Variants in KCNAB2 observed in about 807,000 individuals in gnomAD.
KCNAB2 encodes the protein voltage-gated potassium channel subunit beta-2.
In KCNAB2, 29 loss-of-function variants were observed where a neutral mutation model predicts 63.6. The ratio of observed to expected loss-of-function variants is 0.46; its 90% CI spans 0.34 to 0.62. The LOEUF is 0.62. KCNAB2 is among the 20% of genes least tolerant of loss of function. The probability of loss-of-function intolerance (pLI) is 0.01; values close to 1 mark genes in which losing one functional copy is unlikely to be tolerated. For synonymous variants in KCNAB2, 222 were observed against 224.2 expected (o/e 0.99, Z 0.09); for missense variants, 359 against 563.9 (o/e 0.64, Z 3.68).
intron 1 of KCNAB2, among the ~76,000 whole-genome samples, chr1:5,998,158 A>G (rs1657040001): frequency 6.6e-6 from 1 of 152,272 alleles, no homozygotes; most frequent in African/African-American, 2.4e-5. Context: ...AGGCTGGATG[A>G]TGGCCAGAGG....
intron 15 of KCNAB2, chr1:6,098,046 C>A: frequency 1.9e-6 from 1 of 515,196 alleles, no homozygotes; most frequent in Non-Finnish European, 2.5e-6. Context: ...AAGGTGGGGC[C>A]CCCGGGACTG....
At chr1:6,036,455 A>T (rs1660044573) in intron 1 of KCNAB2, among the ~76,000 whole-genome samples, 1 of 152,178 alleles carries the variant, frequency 6.6e-6, no homozygotes, top group Non-Finnish European at 1.5e-5. Flanking sequence ...GTGAGCTGAG[A>T]TTGTGCCACT....
upstream of KCNAB2, chr1:6,041,365 G>A (rs927666062): frequency 9.4e-5 from 17 of 180,982 alleles, no homozygotes; most frequent in Admixed American, 2.9e-4. Context: ...GCCAGAGCCC[G>A]TGTCTGTGAC....
upstream of KCNAB2, among the ~76,000 whole-genome samples, chr1:6,030,874 GTGTA>G (rs1384404706): frequency 1.3e-5 from 2 of 151,108 alleles, no homozygotes; most frequent in Non-Finnish European, 3.0e-5. Context: ...GTGTAGGTGT[GTGTA>G]TGTATGTGTA....
Position 6,037,898 on chromosome 1 carries a change from G to A in KCNAB2, c.-52-2619G>A, listed in dbSNP as rs1382575185. Among the ~76,000 whole-genome samples the A allele has an allele frequency of 7.0e-5, 10 of 143,320 alleles. No homozygotes were observed. In the East Asian group the frequency reaches 8.1e-4, roughly 12 times the overall value. 94.0% of individuals were successfully genotyped at this position (143,320 alleles called of 152,430 possible). A position where few individuals can be genotyped will look rare whatever the true frequency, so the allele number is the denominator to read the frequency against. On this transcript the variant is annotated intron_variant, in intron 1 of 15. Coordinates refer to the KCNAB2 transcript ENST00000164247. ...TTTTTTTTTTTTTTTTTTTTGAGGC[G>A]GGGTCTCGCTCTGTCACCCAGGCTG...
chr1:6,077,210 G>A (rs922318807), intron 4 of KCNAB2, among the ~76,000 whole-genome samples: 1 of 151,956 alleles, frequency 6.6e-6, no homozygotes, highest in African/African-American at 2.4e-5. Context: ...AGCATGTTTT[G>A]AAGAACAGCA....
chr1:6,086,047 T>G lies in KCNAB2; in HGVS notation c.425+799T>G. On this transcript the variant is annotated intron_variant, in intron 6 of 15. Coordinates refer to ENST00000378083, the MANE Select transcript of KCNAB2 (RefSeq NM_001199862.2). The surrounding 1 kb of genome is among the most constrained non-coding windows in gnomAD (Gnocchi z 4.2). The stretch of plus-strand genomic sequence containing the variant: ...TCACCCACCTTGGGACCAACTGGGC[T>G]GAGCACTTGCCTACATTTTGAGGCT... 2 of 985,494 alleles carry G rather than the reference T, an allele frequency of 2.0e-6. No homozygotes were observed. Among genetic ancestry groups the G allele is most frequent in the Non-Finnish European group, 2.4e-6 (2 of 829,950 alleles). The allele number at this position is 985,494 out of a possible 1,614,324, so 61.0% of individuals were successfully genotyped here.
intron 1 of KCNAB2, among the ~76,000 whole-genome samples, chr1:6,008,538 T>C (rs1208624817): frequency 6.6e-6 from 1 of 151,820 alleles, no homozygotes; most frequent in African/African-American, 2.4e-5. Flanking sequence ...AGAGAATTGC[T>C]TGAACCCGGG....
At position 6,035,750 on chromosome 1, in the gene KCNAB2, G is replaced by A. The variant is rs1401532649; in HGVS notation, c.-53+956G>A. ...AGGAAATAAACAGCTCTGGGGTTCAGGGGAGTGGTAGAGGGGGTGGGGTCT... is the reference window on the plus strand; with the variant it reads ...AGGAAATAAACAGCTCTGGGGTTCAAGGGAGTGGTAGAGGGGGTGGGGTCT... On this transcript the variant is annotated intron_variant, in intron 1 of 15. Coordinates refer to the KCNAB2 transcript ENST00000164247. This position sits in a 1 kb window ranked among gnomAD's most constrained non-coding sequence, Gnocchi z 5.0. Among the ~76,000 whole-genome samples the A allele has an allele frequency of 6.6e-6, 1 of 152,142 alleles. No individual in the cohort carries two copies. The highest frequency in any genetic ancestry group is 1.5e-5 in the Non-Finnish European group (1 of 68,020).
chr1:6,024,519 G>A lies in KCNAB2; in HGVS notation c.-52-15998G>A, dbSNP rs1659025395. Reference sequence around the variant, plus strand: ...AAATACAATTTATTTTTAAGAGCCAGGAATGAAGCTGAGGTTTGAGGGCTG... The same window carrying A: ...AAATACAATTTATTTTTAAGAGCCAAGAATGAAGCTGAGGTTTGAGGGCTG... On this transcript the variant is annotated intron_variant, in intron 1 of 16. Transcript: ENST00000341524. This position sits in a 1 kb window ranked among gnomAD's most constrained non-coding sequence, Gnocchi z 5.4. Among the ~76,000 whole-genome samples, 1 of 152,238 alleles carries A rather than the reference G, an allele frequency of 6.6e-6. No individual in the cohort carries two copies. The highest frequency in any genetic ancestry group is 1.5e-5 in the Non-Finnish European group (1 of 68,044).
intron 1 of KCNAB2, among the ~76,000 whole-genome samples, chr1:5,995,065 G>A (rs114730486): frequency 0.01 from 1,595 of 152,260 alleles, 31 homozygotes; most frequent in African/African-American, 0.036. Context: ...TCTGGTCCTC[G>A]GCTAAGTTCT....
At position 6,040,604 on chromosome 1, in the gene KCNAB2, G is replaced by A. The variant is rs767097088; in HGVS notation, c.36G>A (p.Arg12=). ...AATCAACGACGGGCTCCCCGGCTCGGCTCTCGCTGCGGCAGACGGGCTCCC... is the reference window on the plus strand; with the variant it reads ...AATCAACGACGGGCTCCCCGGCTCGACTCTCGCTGCGGCAGACGGGCTCCC... Residue 12 remains arginine (R), a synonymous_variant, in exon 2 of 16, where the codon CGG becomes CGA. Transcript: ENST00000164247. 10 of 1,614,038 alleles carry A rather than the reference G, an allele frequency of 6.2e-6. No individual in the cohort carries two copies. In the Admixed American group the frequency reaches 1.3e-4, roughly 22 times the overall value.
At chr1:6,053,666 AC>A (rs908447725) in intron 2 of KCNAB2, among the ~76,000 whole-genome samples, 1 of 151,998 alleles carries the variant, frequency 6.6e-6, no homozygotes, top group Non-Finnish European at 1.5e-5. Flanking sequence ...GAGGGGCCAG[AC>A]CCCATCCTCC....
chr1:5,997,685 G>C (rs1225940068), intron 1 of KCNAB2, among the ~76,000 whole-genome samples: 1 of 152,158 alleles, frequency 6.6e-6, no homozygotes, highest in East Asian at 1.9e-4. Context: ...CTAGAATTCT[G>C]CCTCGGAGCC....
intron 1 of KCNAB2, among the ~76,000 whole-genome samples, chr1:6,047,640 C>A (rs1433471109): frequency 6.6e-6 from 1 of 152,200 alleles, no homozygotes; most frequent in Non-Finnish European, 1.5e-5. Context: ...CCTGGTTGGC[C>A]TTTTGGAGCC....
At chr1:5,995,501 G>A (rs948115218) in intron 1 of KCNAB2, among the ~76,000 whole-genome samples, 25 of 152,218 alleles carry the variant, frequency 1.6e-4, no homozygotes, top group Non-Finnish European at 2.5e-4. Flanking sequence ...AGTGCCCTTG[G>A]GTGTGTCCAG....
chr1:6,085,295 G>A (rs762708527), intron 6 of KCNAB2, 47 bp downstream of exon 6: 494 of 1,560,846 alleles, frequency 3.2e-4, no homozygotes, highest in Middle Eastern at 7.2e-4. Context: ...GGGTGCGGGC[G>A]AACTATCCCA....
chr1:6,099,831 G>A lies in KCNAB2; in HGVS notation c.*1257G>A. ...CACCTGGGACAGGCTGGGCAGAGGGGAGAGAGGGCAGGACAGGCCAGAGTG... is the reference window on the plus strand; with the variant it reads ...CACCTGGGACAGGCTGGGCAGAGGGAAGAGAGGGCAGGACAGGCCAGAGTG... On this transcript the variant is annotated 3_prime_UTR_variant, in exon 16 of 16. Transcript: ENST00000378083. The A allele has an allele frequency of 6.5e-7, 1 of 1,539,858 alleles. No homozygotes were observed. Among genetic ancestry groups the A allele is most frequent in the African/African-American group, 1.4e-5 (1 of 73,040 alleles).
At chr1:6,018,253 A>G (rs1376058168) in intron 1 of KCNAB2, among the ~76,000 whole-genome samples, 1 of 152,188 alleles carries the variant, frequency 6.6e-6, no homozygotes, top group African/African-American at 2.4e-5. Flanking sequence ...ATGTTTTCAT[A>G]GAGGACCAGA....
Sources: allele counts gnomAD v4.1 joint callset (sites outside exome capture counted in the v4.1 genomes callset), GRCh38; gene constraint gnomAD v4.1.1; non-coding constraint Gnocchi (gnomAD v3.1); transcripts MANE v1.5; gene names NCBI Gene and HGNC (gene_info 2026-07-23, HGNC 2026-07-21).